The following BBS9 variants were observed in gnomAD, a reference collection of about 807,000 sequenced individuals.
BBS9 encodes Bardet-Biedl syndrome 9.
In BBS9, 89 loss-of-function variants were observed where a neutral mutation model predicts 117.7. That is an observed-to-expected ratio of 0.76 (90% CI 0.64 to 0.90). The LOEUF (loss-of-function observed/expected upper bound fraction) is 0.90. Among genes scored for constraint, BBS9 ranks in the 40% least tolerant of loss-of-function variants. BBS9 has a pLI of 0.00. For synonymous variants in BBS9, 379 were observed against 370.9 expected (o/e 1.02, Z -0.25); for missense variants, 982 against 1,042.2 (o/e 0.94, Z 0.80).
At chr7:33,545,375 G>A (rs1051512773) in intron 21 of BBS9, among the ~76,000 whole-genome samples, 2 of 152,066 alleles carry the variant, frequency 1.3e-5, no homozygotes, top group Non-Finnish European at 2.9e-5. Flanking sequence ...GAGCTCCTAG[G>A]GCCTTTCTGC....
intron 19 of BBS9, among the ~76,000 whole-genome samples, chr7:33,394,391 G>A (rs1464994798): frequency 1.3e-5 from 2 of 151,994 alleles, no homozygotes; most frequent in Non-Finnish European, 2.9e-5. Context: ...CACACACTGG[G>A]GCCTACTGGA....
intron 21 of BBS9, among the ~76,000 whole-genome samples, chr7:33,613,058 A>G (rs566093057): frequency 6.6e-6 from 1 of 152,230 alleles, no homozygotes; most frequent in Non-Finnish European, 1.5e-5. Context: ...TTGTCCTTAA[A>G]GAACTTTCAG....
intron 9 of BBS9, among the ~76,000 whole-genome samples, chr7:33,282,618 C>T (rs1978333): frequency 0.26 from 40,196 of 151,932 alleles, 6,017 homozygotes; most frequent in Admixed American, 0.41. Flanking sequence ...GTGAGTCACC[C>T]GCCTCGCCTC....
At chr7:33,570,650 G>T (rs970111955) in intron 21 of BBS9, among the ~76,000 whole-genome samples, 1 of 152,164 alleles carries the variant, frequency 6.6e-6, no homozygotes, top group Non-Finnish European at 1.5e-5. Context: ...AGGGAAAACT[G>T]TTACTTTACA....
At chr7:33,558,172 G>T (rs1342044741) in intron 21 of BBS9, among the ~76,000 whole-genome samples, 2 of 152,158 alleles carry the variant, frequency 1.3e-5, no homozygotes, top group African/African-American at 4.8e-5. Context: ...CATATATTAT[G>T]GGGAACAAAA....
At chr7:33,167,312 C>T (rs1260370870) in intron 4 of BBS9, among the ~76,000 whole-genome samples, 1 of 151,696 alleles carries the variant, frequency 6.6e-6, no homozygotes, top group Non-Finnish European at 1.5e-5. Context: ...AAAAATCTGA[C>T]AAAGTATTTT....
At chr7:33,408,031 C>T (rs1584706320) in intron 19 of BBS9, among the ~76,000 whole-genome samples, 1 of 152,336 alleles carries the variant, frequency 6.6e-6, no homozygotes, top group African/African-American at 2.4e-5. Context: ...CTGTGCCCTG[C>T]CCCCAGAGGT....
At chr7:33,150,379 C>T (rs545547044) in intron 2 of BBS9, among the ~76,000 whole-genome samples, 1 of 152,264 alleles carries the variant, frequency 6.6e-6, no homozygotes, top group East Asian at 1.9e-4. Context: ...GTTCAGCTGG[C>T]TATGGCAGCA....
intron 17 of BBS9, among the ~76,000 whole-genome samples, chr7:33,381,185 T>C (rs1824955794): frequency 6.6e-6 from 1 of 152,232 alleles, no homozygotes; most frequent in Non-Finnish European, 1.5e-5. Flanking sequence ...CTAATTCTTC[T>C]GTTATGTGAT....
intron 19 of BBS9, among the ~76,000 whole-genome samples, chr7:33,475,063 A>T (rs1286658969): frequency 6.6e-6 from 1 of 152,196 alleles, no homozygotes; most frequent in Non-Finnish European, 1.5e-5. Context: ...TCCTAAACCA[A>T]TAACTGGCAA....
intron 1 of BBS9, among the ~76,000 whole-genome samples, chr7:33,144,566 A>G (rs561890076): frequency 1.3e-5 from 2 of 152,246 alleles, no homozygotes; most frequent in South Asian, 2.1e-4. Flanking sequence ...TTCATGGTCT[A>G]CAGTATTTAG....
intron 21 of BBS9, among the ~76,000 whole-genome samples, chr7:33,571,185 T>C (rs1857722203): frequency 6.6e-6 from 1 of 152,140 alleles, no homozygotes; most frequent in Non-Finnish European, 1.5e-5. Context: ...AACAAAAAAG[T>C]TTATAAAGAG....
At chr7:33,331,784 T>C (rs1814121599) in intron 9 of BBS9, among the ~76,000 whole-genome samples, 2 of 151,670 alleles carry the variant, frequency 1.3e-5, no homozygotes, top group African/African-American at 4.8e-5. Context: ...TGCAAAACAC[T>C]GCTGGAAGAA....
chr7:33,411,135 G>A (rs1329124982), intron 19 of BBS9, among the ~76,000 whole-genome samples: 1 of 150,980 alleles, frequency 6.6e-6, no homozygotes, highest in Non-Finnish European at 1.5e-5. Context: ...CCTGGAACAT[G>A]TGGATAAGCT....
intron 19 of BBS9, among the ~76,000 whole-genome samples, chr7:33,401,671 G>T (rs1260194964): frequency 6.6e-6 from 1 of 152,184 alleles, no homozygotes; most frequent in African/African-American, 2.4e-5. Flanking sequence ...GAATATCTGG[G>T]TTAAGACAAG....
chr7:33,227,816 C>T (rs114950155), intron 5 of BBS9, among the ~76,000 whole-genome samples: 1,761 of 152,222 alleles, frequency 0.012, 31 homozygotes, highest in African/African-American at 0.041. Flanking sequence ...CAGTAGTACT[C>T]CATGGTGTAT....
intron 17 of BBS9, among the ~76,000 whole-genome samples, chr7:33,379,113 C>T (rs1020372980): frequency 2.6e-5 from 4 of 152,240 alleles, no homozygotes; most frequent in South Asian, 2.1e-4. Context: ...GCACTTCAGA[C>T]GTACTACGTT....
intron 21 of BBS9, among the ~76,000 whole-genome samples, chr7:33,574,714 C>G (rs1454211971): frequency 6.8e-6 from 1 of 147,310 alleles, no homozygotes; most frequent in South Asian, 2.2e-4. Context: ...CACACACACA[C>G]ACACACACAC....
chr7:33,523,222 G>A (rs1224245017), intron 20 of BBS9, among the ~76,000 whole-genome samples: 3 of 148,544 alleles, frequency 2.0e-5, no homozygotes, highest in South Asian at 2.1e-4. Flanking sequence ...GATTGCCTTG[G>A]TGATGCGGGC....
Sources: gnomAD v4.1 joint callset for allele counts (sites outside exome capture counted in the v4.1 genomes callset) on GRCh38, gnomAD v4.1.1 for gene constraint, MANE v1.5 for transcripts, NCBI Gene and HGNC (gene_info 2026-07-23, HGNC 2026-07-21) for gene names.